The following LOC131768270 variants were observed in gnomAD, a reference collection of about 807,000 sequenced individuals.
the LOC131768270 span, chr5:140,568,202 C>G: frequency 2.5e-6 from 4 of 1,611,962 alleles, no homozygotes; most frequent in Non-Finnish European, 2.5e-6. Flanking sequence ...ACCACCAGAT[C>G]CCCCTCCCAG....
the LOC131768270 span, chr5:140,568,077 C>T: frequency 9.9e-6 from 16 of 1,613,808 alleles, no homozygotes; most frequent in Admixed American, 2.3e-4. Flanking sequence ...CTGCAGCTCA[C>T]AGCCGCCTTC....
the LOC131768270 span, chr5:140,565,101 A>G: frequency 1.4e-4 from 55 of 394,824 alleles, no homozygotes; most frequent in East Asian, 1.8e-3. Flanking sequence ...CGTTACTAGC[A>G]CAGACTCAAA....
chr5:140,567,904 C>G, the LOC131768270 span: 1 of 1,614,098 alleles, frequency 6.2e-7, no homozygotes, highest in African/African-American at 1.3e-5. Context: ...GCCCAGGCCT[C>G]CTGGAAGGTT....
At chr5:140,567,454 C>G in the LOC131768270 span, 1 of 1,614,152 alleles carries the variant, frequency 6.2e-7, no homozygotes, top group Non-Finnish European at 8.5e-7. Context: ...CAGCCCTGCT[C>G]TATGGCGCTA....
the LOC131768270 span, chr5:140,566,883 C>T: frequency 4.9e-6 from 3 of 614,816 alleles, no homozygotes; most frequent in South Asian, 5.8e-5. Context: ...TTCATCCTTG[C>T]CTCCCTTCCT....
the LOC131768270 span, chr5:140,568,189 G>T: frequency 1.9e-6 from 3 of 1,612,778 alleles, no homozygotes; most frequent in Non-Finnish European, 2.5e-6. Flanking sequence ...TAGATTGGGC[G>T]CCACCACCAG....
At chr5:140,568,412 A>G in the LOC131768270 span, 1 of 552,102 alleles carries the variant, frequency 1.8e-6, no homozygotes, top group African/African-American at 1.9e-5. Context: ...GAATTAAGGT[A>G]ACATCAATAC....
At chr5:140,567,209 C>T in the LOC131768270 span, 3 of 1,614,038 alleles carry the variant, frequency 1.9e-6, no homozygotes, top group Non-Finnish European at 2.5e-6. Context: ...CCTGGGCCGT[C>T]CCAGGCAGGC....
chr5:140,568,055 G>T, the LOC131768270 span: 2 of 1,614,012 alleles, frequency 1.2e-6, no homozygotes, highest in Non-Finnish European at 1.7e-6. Flanking sequence ...GCTCTCAGCA[G>T]TCCTGCTACG....
the LOC131768270 span, chr5:140,567,603 C>T: frequency 4.8e-5 from 78 of 1,614,104 alleles, no homozygotes; most frequent in Non-Finnish European, 6.1e-5. Flanking sequence ...CAGGGGTTAG[C>T]GCTGCTGCTG....
chr5:140,566,313 G>T, the LOC131768270 span, among the ~76,000 whole-genome samples: 1 of 152,152 alleles, frequency 6.6e-6, no homozygotes, highest in African/African-American at 2.4e-5. Context: ...CAGGGCTAGG[G>T]GCATCTCTGA....
the LOC131768270 span, chr5:140,566,535 C>G: frequency 2.4e-6 from 1 of 413,492 alleles, no homozygotes; most frequent in African/African-American, 2.0e-5. Flanking sequence ...AGGAGCCTAG[C>G]TAAGTTTCCT....
At chr5:140,567,696 C>T in the LOC131768270 span, 1 of 1,614,090 alleles carries the variant, frequency 6.2e-7, no homozygotes, top group Non-Finnish European at 8.5e-7. Flanking sequence ...CCAGCAGCTG[C>T]TGCCAGCCCC....
chr5:140,567,901 C>A, the LOC131768270 span: 1 of 1,614,218 alleles, frequency 6.2e-7, no homozygotes. Flanking sequence ...CTGGCCCAGG[C>A]CTCCTGGAAG....
the LOC131768270 span, chr5:140,566,815 C>A: frequency 3.3e-6 from 2 of 602,548 alleles, no homozygotes; most frequent in East Asian, 2.7e-5. Context: ...CAGGTGGAGA[C>A]ACTTTATCTG....
At chr5:140,565,135 C>T in the LOC131768270 span, 2 of 380,740 alleles carry the variant, frequency 5.3e-6, no homozygotes, top group Middle Eastern at 6.6e-4. Flanking sequence ...AAACACTCCT[C>T]ACTTTACCCC....
chr5:140,564,851 A>G, the LOC131768270 span: 1 of 403,916 alleles, frequency 2.5e-6, no homozygotes, highest in Non-Finnish European at 4.4e-6. This position sits in a 1 kb window ranked among gnomAD's most constrained non-coding sequence, Gnocchi z 5.0. Flanking sequence ...AAGATGGCGG[A>G]TGACAAGGTG....
chr5:140,567,162 G>T, the LOC131768270 span: 3 of 1,614,188 alleles, frequency 1.9e-6, no homozygotes, highest in Non-Finnish European at 1.7e-6. Flanking sequence ...CCAGGGTCTT[G>T]TGTGGGTATG....
chr5:140,566,683 C>T, the LOC131768270 span: 8 of 523,528 alleles, frequency 1.5e-5, no homozygotes, highest in African/African-American at 7.6e-5. Context: ...GGCATCTATG[C>T]GGCTCAGGCA....
Sources: gnomAD v4.1 joint callset for allele counts (sites outside exome capture counted in the v4.1 genomes callset) on GRCh38, gnomAD v4.1.1 for gene constraint, Gnocchi (gnomAD v3.1) non-coding constraint, MANE v1.5 for transcripts.